The following CCL1 variants were observed in gnomAD, a reference collection of about 807,000 sequenced individuals.
The protein encoded by CCL1 is C-C motif chemokine ligand 1.
In CCL1, 9 loss-of-function variants were observed where a neutral mutation model predicts 7.5. The ratio of observed to expected loss-of-function variants is 1.20; its 90% confidence interval spans 0.72 to 2.09. The LOEUF is 2.09. CCL1 is among the 30% of genes most tolerant of loss of function. CCL1 has a pLI of 0.00. For missense variants in CCL1, 110 were observed against 113.7 expected (o/e 0.97, Z 0.15); for synonymous variants, 48 against 44.7 (o/e 1.07, Z -0.30).
chr17:34,360,826 C>T (rs958839207), intron 2 of CCL1, among the ~76,000 whole-genome samples, 165 bp from the exon 3 acceptor site: 6 of 152,046 alleles, frequency 3.9e-5, no homozygotes, highest in Non-Finnish European at 8.8e-5. Context: ...GTGGTTTGCA[C>T]GCTGGGGAAC....
At position 34,360,491 on chromosome 17, in the gene CCL1, A is replaced by G; in HGVS notation, c.*68T>C. The G allele has an allele frequency of 8.6e-7, 1 of 1,166,898 alleles. No individual in the cohort carries two copies. The highest frequency in any genetic ancestry group is 1.7e-5 in the Admixed American group (1 of 59,398). The allele number at this position is 1,166,898 out of a possible 1,614,324, so 72.3% of individuals were successfully genotyped here. A position where few individuals can be genotyped will look rare whatever the true frequency, so the allele number is the denominator to read the frequency against. ...AAAAGCAGGGCAGAAGGAATGGTGT[A>G]GGGCTGGTAGTTTCGGGGACAGGTG... On this transcript the variant is annotated 3_prime_UTR_variant, in exon 3 of 3. Coordinates refer to ENST00000225842, the MANE Select transcript of CCL1 (RefSeq NM_002981.2).
Position 34,360,637 on chromosome 17 carries a change from CTCTTTGCCTCTCT to C in CCL1, c.200_212del (p.Lys67ArgfsTer18). On this transcript the variant is annotated frameshift_variant, in exon 3 of 3. Coordinates refer to ENST00000225842, the MANE Select transcript of CCL1 (RefSeq NM_002981.2). LOFTEE classifies it low-confidence loss of function (END_TRUNC). ...ATCCAACTGTGTCCAAGGCGCAGGC[CTCTTTGCCTCTCT>C]TCAGCTTGAATCTGTGAACAGAGAA... is the stretch of plus-strand genomic sequence containing the variant. 2 of 1,613,280 alleles carry C rather than the reference CTCTTTGCCTCTCT, an allele frequency of 1.2e-6. No individual in the cohort carries two copies. The highest frequency in any genetic ancestry group is 1.7e-6 in the Non-Finnish European group (2 of 1,179,830).
chr17:34,360,632 C>T lies in CCL1; in HGVS notation c.218G>A (p.Cys73Tyr), dbSNP rs1910482086. The change falls in exon 3 of 3, where the codon TGC becomes TAC. Residue 73 changes from cysteine (C) to tyrosine (Y), a missense_variant. Transcript: ENST00000225842. ...AACCCATCCAACTGTGTCCAAGGCG[C>T]AGGCCTCTTTGCCTCTCTTCAGCTT... ...IFKLKRGKEA[C>Y]ALDTVGWVQR... 6 of 1,613,404 alleles carry T rather than the reference C, an allele frequency of 3.7e-6. No homozygotes were observed. The highest frequency in any genetic ancestry group is 2.2e-5 in the South Asian group (2 of 91,052).
At chr17:34,361,477 T>C (rs558429319) in intron 2 of CCL1, among the ~76,000 whole-genome samples, 1 of 152,324 alleles carries the variant, frequency 6.6e-6, no homozygotes, top group South Asian at 2.1e-4. Flanking sequence ...CCTTGCTCTT[T>C]CCAGTGCACA....
chr17:34,361,948 T>C (rs193030293), intron 1 of CCL1, 52 bp from the exon 2 acceptor site: 23 of 1,243,462 alleles, frequency 1.8e-5, no homozygotes, highest in Non-Finnish European at 2.3e-5. Context: ...ACCTCTCACC[T>C]GTAGCACAAT....
intron 1 of CCL1, among the ~76,000 whole-genome samples, chr17:34,362,318 A>G (rs900646435): frequency 6.6e-6 from 1 of 152,196 alleles, no homozygotes; most frequent in African/African-American, 2.4e-5. Flanking sequence ...TGCAGGACAC[A>G]GTGGTCCACA....
At chr17:34,361,229 T>G (rs563179010) in intron 2 of CCL1, among the ~76,000 whole-genome samples, 1 of 151,952 alleles carries the variant, frequency 6.6e-6, no homozygotes, top group Non-Finnish European at 1.5e-5. Flanking sequence ...AACAAAAATA[T>G]GTGCCCCAAG....
Position 34,360,457 on chromosome 17 carries a change from T to C in CCL1, c.*102A>G, listed in dbSNP as rs1910476034. On this transcript the variant is annotated 3_prime_UTR_variant, in exon 3 of 3. Transcript: ENST00000225842. ...TTATCAAGACCAAGCAGATCCTCTGTGACCTAGCAAAAGCAGGGCAGAAGG... is the reference window on the plus strand; with the variant it reads ...TTATCAAGACCAAGCAGATCCTCTGCGACCTAGCAAAAGCAGGGCAGAAGG... 1.1e-6 allele frequency: 1 copy of C among 876,224 alleles called. No homozygotes were observed. Among genetic ancestry groups the C allele is most frequent in the Non-Finnish European group, 1.9e-6 (1 of 513,884 alleles). The allele number at this position is 876,224 out of a possible 1,614,324, so 54.3% of individuals were successfully genotyped here.
Position 34,360,584 on chromosome 17 carries a change from C to T in CCL1, c.266G>A (p.Arg89Lys). 2.5e-6 allele frequency: 4 copies of T among 1,613,822 alleles called. No homozygotes were observed. Among genetic ancestry groups the T allele is most frequent in the Non-Finnish European group, 3.4e-6 (4 of 1,179,920 alleles). The change falls in exon 3 of 3, where the codon AGG (arginine) becomes AAG (lysine). Residue 89 changes from arginine (R) to lysine (K), a missense_variant. Transcript: ENST00000225842. The stretch of plus-strand genomic sequence containing the variant: ...TCATTTTCTTTTTGACGGGCAGTGC[C>T]TCAGCATTTTTCTGTGCCTCTGAAC... ...GWVQRHRKMLRHCPSKRK is the reference protein window; with the variant it reads ...GWVQRHRKMLKHCPSKRK
chr17:34,363,232 G>C lies in CCL1; in HGVS notation c.-71C>G, dbSNP rs41486446. The C allele has an allele frequency of 5.1e-4, 735 of 1,435,650 alleles. 2 individuals are homozygous for C. In the African/African-American group the frequency reaches 9.0e-3, roughly 18 times the overall value. The allele number at this position is 1,435,650 out of a possible 1,614,324, so 88.9% of individuals were successfully genotyped here. A position where few individuals can be genotyped will look rare whatever the true frequency, so the allele number is the denominator to read the frequency against. ...CTGGTGAAGCTAAGAGCTCACCACT[G>C]TGCCGTCCTGCAATGCTGAGGGCTT... On this transcript the variant is annotated 5_prime_UTR_variant, in exon 1 of 3. Coordinates refer to ENST00000225842, the MANE Select transcript of CCL1 (RefSeq NM_002981.2).
chr17:34,362,018 C>T, intron 1 of CCL1, 122 bp from the exon 2 acceptor site: 1 of 610,002 alleles, frequency 1.6e-6, no homozygotes. Context: ...GGACCACATC[C>T]AGACGGTGCC....
chr17:34,362,028 C>T (rs370708557), intron 1 of CCL1, 132 bp from the exon 2 acceptor site: 36 of 574,630 alleles, frequency 6.3e-5, no homozygotes, highest in African/African-American at 2.2e-4. Flanking sequence ...CAGACGGTGC[C>T]GGCATAGCTC....
Position 34,360,439 on chromosome 17 carries a change from G to T in CCL1, c.*120C>A. 1 of 771,684 alleles carries T rather than the reference G, an allele frequency of 1.3e-6. No homozygotes were observed. The highest frequency in any genetic ancestry group is 1.5e-5 in the South Asian group (1 of 67,808). 47.8% of individuals were successfully genotyped at this position (771,684 alleles called of 1,614,324 possible). A position where few individuals can be genotyped will look rare whatever the true frequency, so the allele number is the denominator to read the frequency against. On this transcript the variant is annotated 3_prime_UTR_variant, in exon 3 of 3. Coordinates refer to ENST00000225842, the MANE Select transcript of CCL1 (RefSeq NM_002981.2). ...AAAGTGCAACAACATAGCTTATCAAGACCAAGCAGATCCTCTGTGACCTAG... is the reference window on the plus strand; with the variant it reads ...AAAGTGCAACAACATAGCTTATCAATACCAAGCAGATCCTCTGTGACCTAG...
At chr17:34,361,138 T>C (rs1353177810) in intron 2 of CCL1, among the ~76,000 whole-genome samples, 1 of 152,150 alleles carries the variant, frequency 6.6e-6, no homozygotes, top group African/African-American at 2.4e-5. Context: ...TATTGTCCAA[T>C]CTATAGACCA....
In CCL1 at chr17:34,360,560, C is replaced by T. The variant is rs564469208; in HGVS notation, c.290G>A (p.Ter97=). The T allele has an allele frequency of 5.6e-5, 91 of 1,611,602 alleles. No individual in the cohort carries two copies. The highest frequency in any genetic ancestry group is 7.2e-5 in the Non-Finnish European group (85 of 1,177,950). ...MLRHCPSKRK[*] is the part of the protein sequence containing the mutation. ...AGCCCACAATGGAAAGAAATCTGCT[C>T]ATTTTCTTTTTGACGGGCAGTGCCT... is the stretch of plus-strand genomic sequence containing the variant. Residue 97 remains the stop codon, a stop_retained_variant, in exon 3 of 3, where the codon TGA becomes TAA. Coordinates refer to ENST00000225842, the MANE Select transcript of CCL1 (RefSeq NM_002981.2).
At chr17:34,362,187 T>C (rs1270131110) in intron 1 of CCL1, among the ~76,000 whole-genome samples, 2 of 152,178 alleles carry the variant, frequency 1.3e-5, no homozygotes, top group Admixed American at 6.5e-5. Flanking sequence ...ATAAAACTTT[T>C]TGGAGCCTGG....
intron 1 of CCL1, among the ~76,000 whole-genome samples, chr17:34,362,103 G>T (rs1039163338): frequency 6.6e-5 from 10 of 152,184 alleles, no homozygotes; most frequent in Non-Finnish European, 1.3e-4. Flanking sequence ...TCAGATCTGA[G>T]CTCCCCGCAC....
chr17:34,360,907 G>T (rs1167059709), intron 2 of CCL1, among the ~76,000 whole-genome samples: 1 of 152,124 alleles, frequency 6.6e-6, no homozygotes, highest in Non-Finnish European at 1.5e-5. Flanking sequence ...GGTGTATCAG[G>T]GTGGGGCTGA....
chr17:34,361,741 G>A (rs73288091), intron 2 of CCL1, 44 bp downstream of exon 2: 29,159 of 1,237,498 alleles, frequency 0.024, 537 homozygotes, highest in African/African-American at 0.075. Flanking sequence ...CCAGGCTGGC[G>A]GGGTTCTGTT....
Sources: gnomAD v4.1 joint callset for allele counts (sites outside exome capture counted in the v4.1 genomes callset) on GRCh38, gnomAD v4.1.1 for gene constraint, MANE v1.5 for transcripts, NCBI Gene and HGNC (gene_info 2026-07-23, HGNC 2026-07-21) for gene names.